The following SRPK2 variants were observed in gnomAD, a reference collection of about 807,000 sequenced individuals.
SRPK2 encodes SFRS protein kinase 2.
Under a neutral mutation model 90.8 loss-of-function variants are expected in SRPK2, and 21 were observed. The ratio of observed to expected loss-of-function variants is 0.23; its 90% CI spans 0.16 to 0.33. The LOEUF (loss-of-function observed/expected upper bound fraction) is 0.33, where lower values mean the gene tolerates loss of function less well. SRPK2 is among the 10% of genes least tolerant of loss of function. SRPK2 has a pLI of 1.00. For synonymous variants in SRPK2, 288 were observed against 311.1 expected, an observed-to-expected ratio of 0.93 and a Z score of 0.78; for missense variants, 620 against 869.0, an observed-to-expected ratio of 0.71 and a Z score of 3.60.
At chr7:105,133,140 G>A in intron 11 of SRPK2, 36 bp from the exon 12 acceptor site, 3 of 1,601,106 alleles carry the variant, frequency 1.9e-6, no homozygotes, top group Non-Finnish European at 2.6e-6. Flanking sequence ...TTAGTGATCG[G>A]GATAGGTGGT....
At chr7:105,126,604 C>T (rs1187570440) in intron 14 of SRPK2, among the ~76,000 whole-genome samples, 1 of 152,164 alleles carries the variant, frequency 6.6e-6, no homozygotes, top group Non-Finnish European at 1.5e-5. Flanking sequence ...TTACAGATGG[C>T]ATTCAAGCCA....
chr7:105,122,277 A>C (rs1800495798), intron 15 of SRPK2, among the ~76,000 whole-genome samples: 1 of 152,232 alleles, frequency 6.6e-6, no homozygotes, highest in Non-Finnish European at 1.5e-5. Flanking sequence ...AAATTGTAAA[A>C]TGTATATAAA....
At chr7:105,211,047 G>T (rs974478172) in intron 2 of SRPK2, among the ~76,000 whole-genome samples, 1 of 152,222 alleles carries the variant, frequency 6.6e-6, no homozygotes, top group African/African-American at 2.4e-5. Flanking sequence ...TTTCAGTCTA[G>T]TAAGAATCCA....
intron 2 of SRPK2, among the ~76,000 whole-genome samples, chr7:105,303,201 A>G (rs1004540582): frequency 2.0e-5 from 3 of 152,192 alleles, no homozygotes; most frequent in African/African-American, 7.2e-5. Flanking sequence ...ATTCTGAGCA[A>G]ACTATTGCAA....
chr7:105,334,545 G>A lies in SRPK2; in HGVS notation c.71+54103C>T, dbSNP rs1009570734. Among the ~76,000 whole-genome samples the A allele has an allele frequency of 7.2e-5, 11 of 151,778 alleles. 1 individual carries two copies. Among genetic ancestry groups the A allele is most frequent in the South Asian group, 4.2e-4 (2 of 4,776 alleles). On this transcript the variant is annotated intron_variant, in intron 2 of 15. Transcript: ENST00000393651. ...CCTGATGTTTCTGGTATTAAAATAC[G>A]TATACAGTTTGGCTGGGCACGGTGG...
At chr7:105,255,445 G>A (rs1357477596) in intron 2 of SRPK2, among the ~76,000 whole-genome samples, 3 of 152,056 alleles carry the variant, frequency 2.0e-5, no homozygotes, top group Non-Finnish European at 4.4e-5. Flanking sequence ...TTTCCTGGGG[G>A]GAGGGTAGGT....
intron 4 of SRPK2, 109 bp downstream of exon 4, chr7:105,169,048 C>A: frequency 2.3e-6 from 2 of 873,560 alleles, no homozygotes; most frequent in Non-Finnish European, 3.6e-6. Flanking sequence ...CTGTGCTAAG[C>A]ACTTCACATA....
chr7:105,285,025 A>C (rs1212451590), intron 2 of SRPK2, among the ~76,000 whole-genome samples: 1 of 152,192 alleles, frequency 6.6e-6, no homozygotes, highest in Non-Finnish European at 1.5e-5. Flanking sequence ...TCAATATTCC[A>C]GGATCCAAGT....
At chr7:105,376,521 C>A (rs979316540) in intron 2 of SRPK2, among the ~76,000 whole-genome samples, 2 of 151,620 alleles carry the variant, frequency 1.3e-5, no homozygotes, top group Non-Finnish European at 2.9e-5. Context: ...TAGCTCCTTG[C>A]CATCCTTTTT....
At chr7:105,175,562 G>A (rs1023604800) in intron 3 of SRPK2, among the ~76,000 whole-genome samples, 2 of 151,948 alleles carry the variant, frequency 1.3e-5, no homozygotes, top group African/African-American at 2.4e-5. Context: ...AAGAACAGTC[G>A]AGAAAATCAG....
At chr7:105,233,674 G>A (rs1010839927) in intron 2 of SRPK2, among the ~76,000 whole-genome samples, 2 of 152,086 alleles carry the variant, frequency 1.3e-5, no homozygotes, top group Non-Finnish European at 2.9e-5. Context: ...GCCAAATGAT[G>A]AAATCCCGTC....
intron 2 of SRPK2, among the ~76,000 whole-genome samples, chr7:105,222,388 A>G (rs1798205899): frequency 6.6e-6 from 1 of 152,252 alleles, no homozygotes; most frequent in Non-Finnish European, 1.5e-5. Flanking sequence ...AACAAGTAAC[A>G]TTCCTTTTTA....
intron 2 of SRPK2, among the ~76,000 whole-genome samples, chr7:105,322,323 A>C (rs1813028025): frequency 6.6e-6 from 1 of 152,210 alleles, no homozygotes; most frequent in Non-Finnish European, 1.5e-5. Context: ...AGGCTGAAGC[A>C]GGAGAATCGT....
chr7:105,387,923 T>C (rs4727621), intron 2 of SRPK2, among the ~76,000 whole-genome samples: 41,812 of 151,980 alleles, frequency 0.28, 6,246 homozygotes, highest in Middle Eastern at 0.33. Flanking sequence ...ACGGGCGCGT[T>C]TTCCACTCCG....
chr7:105,203,156 T>A (rs1239205931), intron 3 of SRPK2, among the ~76,000 whole-genome samples: 1 of 152,056 alleles, frequency 6.6e-6, no homozygotes, highest in African/African-American at 2.4e-5. Context: ...GCCCAGCTAA[T>A]TTTTTGCACT....
chr7:105,373,613 G>C (rs1040697016), intron 2 of SRPK2, among the ~76,000 whole-genome samples: 1 of 151,988 alleles, frequency 6.6e-6, no homozygotes, highest in African/African-American at 2.4e-5. Context: ...ATGTTGGCCA[G>C]GCTGGTCTCG....
At chr7:105,231,757 T>C (rs1799449096) in intron 2 of SRPK2, among the ~76,000 whole-genome samples, 2 of 152,242 alleles carry the variant, frequency 1.3e-5, no homozygotes, top group South Asian at 4.1e-4. Context: ...TTTAATGGTA[T>C]TGTTTTTCTC....
chr7:105,149,826 A>G (rs938175575), intron 7 of SRPK2, among the ~76,000 whole-genome samples: 1 of 152,240 alleles, frequency 6.6e-6, no homozygotes, highest in African/African-American at 2.4e-5. Flanking sequence ...AATACCTCTT[A>G]AAAACGATCA....
intron 2 of SRPK2, among the ~76,000 whole-genome samples, chr7:105,209,719 G>C (rs954822373): frequency 1.3e-5 from 2 of 151,246 alleles, no homozygotes; most frequent in African/African-American, 4.9e-5. Context: ...GAAAACAAAA[G>C]AGCAAAGCAA....
Sources: gnomAD v4.1 joint callset for allele counts (sites outside exome capture counted in the v4.1 genomes callset) on GRCh38, gnomAD v4.1.1 for gene constraint, MANE v1.5 for transcripts, NCBI Gene and HGNC (gene_info 2026-07-23, HGNC 2026-07-21) for gene names.